The following TBXAS1 variants were observed in gnomAD, a reference collection of about 807,000 sequenced individuals.
TBXAS1 encodes thromboxane-A synthase.
Under a neutral mutation model 60.7 loss-of-function variants are expected in TBXAS1, and 48 were observed. The ratio of observed to expected loss-of-function variants is 0.79; its 90% CI spans 0.63 to 1.01. The LOEUF (loss-of-function observed/expected upper bound fraction) is 1.01. Ranked by LOEUF, TBXAS1 falls within the 50% of genes least tolerant of loss-of-function variation. TBXAS1 has a pLI of 0.00. For synonymous variants in TBXAS1, 287 were observed against 269.7 expected (o/e 1.06, Z -0.63); for missense variants, 685 against 686.3 (o/e 1.00, Z 0.02).
Position 139,778,462 on chromosome 7 carries a change from G to A in TBXAS1, c.-327G>A, listed in dbSNP as rs990656207. The A allele has an allele frequency of 6.5e-6, 1 of 153,038 alleles. No homozygotes were observed. The highest frequency in any genetic ancestry group is 1.5e-5 in the Non-Finnish European group (1 of 68,204). The allele number at this position is 153,038 out of a possible 1,614,324, so 9.5% of individuals were successfully genotyped here. ...CTCGCCCATCTCACAGCCGGTTGGC[G>A]CTCGCGGAGGTAGGAGTGGAATGAA... is the stretch of plus-strand genomic sequence containing the variant. On this transcript the variant is annotated 5_prime_UTR_variant, in exon 1 of 17. Transcript: ENST00000336425. The surrounding 1 kb of genome is among the most constrained non-coding windows in gnomAD (Gnocchi z 4.8).
chr7:139,990,489 C>T (rs1307711200), intron 9 of TBXAS1, among the ~76,000 whole-genome samples: 2 of 152,154 alleles, frequency 1.3e-5, no homozygotes, highest in Non-Finnish European at 1.5e-5. Context: ...CAGCCTCGAG[C>T]ACCTGTTTCC....
intron 1 of TBXAS1, among the ~76,000 whole-genome samples, chr7:139,832,325 A>G (rs1030793420): frequency 1.3e-5 from 2 of 152,204 alleles, no homozygotes; most frequent in African/African-American, 4.8e-5. Context: ...AATGCTCTGG[A>G]AAGTCTCAGC....
intron 1 of TBXAS1, among the ~76,000 whole-genome samples, chr7:139,839,875 T>C (rs770810298): frequency 4.0e-5 from 6 of 150,406 alleles, no homozygotes; most frequent in Admixed American, 6.6e-5. Flanking sequence ...TCCCAGCTAC[T>C]TGGGAGGCTG....
At position 139,783,985 on chromosome 7, in the gene TBXAS1, A is replaced by G. The variant is rs184915298; in HGVS notation, c.-169+1256A>G. Among the ~76,000 whole-genome samples, 245 of 145,356 alleles carry G rather than the reference A, an allele frequency of 1.7e-3. 4 individuals carry two copies. Among genetic ancestry groups the G allele is most frequent in the African/African-American group, 6.0e-3 (235 of 39,472 alleles). On this transcript the variant is annotated intron_variant, in intron 3 of 16. Transcript: ENST00000336425. Reference sequence around the variant, plus strand: ...TCACTCCCCTCCCTTCACATCCTTCACATGCATGCTTGTTTAGTTTTTTTT... The same window carrying G: ...TCACTCCCCTCCCTTCACATCCTTCGCATGCATGCTTGTTTAGTTTTTTTT...
chr7:140,005,110 C>T (rs1327209279), intron 9 of TBXAS1, among the ~76,000 whole-genome samples: 1 of 152,214 alleles, frequency 6.6e-6, no homozygotes, highest in Non-Finnish European at 1.5e-5. Flanking sequence ...CATGCATAAG[C>T]CAGGCTTCCA....
At chr7:139,893,838 A>G (rs1297257828) in intron 3 of TBXAS1, among the ~76,000 whole-genome samples, 6 of 152,250 alleles carry the variant, frequency 3.9e-5, no homozygotes, top group African/African-American at 1.4e-4. Flanking sequence ...AACTGAATAA[A>G]TTAGATGGGT....
intron 3 of TBXAS1, among the ~76,000 whole-genome samples, chr7:139,783,284 C>G (rs1797058559): frequency 6.6e-6 from 1 of 150,852 alleles, no homozygotes; most frequent in Non-Finnish European, 1.5e-5. Flanking sequence ...AATGATCAGA[C>G]ACCTGAACAG....
intron 4 of TBXAS1, among the ~76,000 whole-genome samples, chr7:139,792,027 T>C (rs1173703922): frequency 6.6e-6 from 1 of 152,196 alleles, no homozygotes; most frequent in African/African-American, 2.4e-5. Context: ...GGGTATGCTA[T>C]ATCCCATAGA....
At chr7:139,977,915 T>A (rs1330684532) in intron 9 of TBXAS1, among the ~76,000 whole-genome samples, 1 of 152,194 alleles carries the variant, frequency 6.6e-6, no homozygotes, top group East Asian at 1.9e-4. Context: ...AAATATTGGA[T>A]AAATTAAAAG....
chr7:139,991,827 G>A (rs572727403), intron 9 of TBXAS1, among the ~76,000 whole-genome samples: 2 of 152,322 alleles, frequency 1.3e-5, no homozygotes, highest in East Asian at 1.9e-4. Flanking sequence ...GTCAGGACTG[G>A]ACTGAAGCCC....
rs1554503287 is a variant in TBXAS1, at chr7:139,984,636, G to GGGAGAAAGAAAGAAAGAAAGAAAGAA, written c.1134+22403_1134+22404insGGAGAAAGAAAGAAAGAAAGAAAGAA. 1.2e-3 allele frequency among the ~76,000 whole-genome samples: 87 copies of GGGAGAAAGAAAGAAAGAAAGAAAGAA among 70,966 alleles called. 10 individuals carry two copies. In the East Asian group the frequency reaches 0.014, roughly 12 times the overall value. 46.6% of individuals were successfully genotyped at this position (70,966 alleles called of 152,430 possible). A position where few individuals can be genotyped will look rare whatever the true frequency, so the allele number is the denominator to read the frequency against. ...AGAAAGAGAGAGAGAGAGAGAGAGA[G>GGGAGAAAGAAAGAAAGAAAGAAAGAA]AGAGAGAAAGAAAGAAAGGGAAGGG... On this transcript the variant is annotated intron_variant, in intron 9 of 12. Transcript: ENST00000448866.
rs191836518 is a variant in TBXAS1 at position 139,958,391 on chromosome 7, C to T, written c.819+627C>T. On this transcript the variant is annotated intron_variant, in intron 8 of 12. Coordinates refer to ENST00000448866, the MANE Select transcript of TBXAS1 (RefSeq NM_001061.7). Reference sequence around the variant, plus strand: ...GTAAATATTTGTTGATTGAACTTGGCTAAAATAGAAAGAGGAGTTTTCAGT... The same window carrying T: ...GTAAATATTTGTTGATTGAACTTGGTTAAAATAGAAAGAGGAGTTTTCAGT... Among the ~76,000 whole-genome samples the T allele has an allele frequency of 3.4e-3, 521 of 152,208 alleles. 4 individuals are homozygous for T. The highest frequency in any genetic ancestry group is 0.012 in the African/African-American group (504 of 41,520).
At chr7:139,878,178 GGAGA>G (rs1439989282) in intron 3 of TBXAS1, among the ~76,000 whole-genome samples, 1 of 147,804 alleles carries the variant, frequency 6.8e-6, no homozygotes, top group Non-Finnish European at 1.5e-5. Flanking sequence ...AGAGAGAAAA[GGAGA>G]GAGAAAGAGA....
At chr7:139,811,377 C>T (rs1308782479) in intron 4 of TBXAS1, among the ~76,000 whole-genome samples, 18 of 152,210 alleles carry the variant, frequency 1.2e-4, no homozygotes. Flanking sequence ...AGGGGCTGTG[C>T]TTACAATTAG....
chr7:139,864,029 C>T (rs1386928327), intron 1 of TBXAS1, among the ~76,000 whole-genome samples: 1 of 152,100 alleles, frequency 6.6e-6, no homozygotes, highest in Non-Finnish European at 1.5e-5. Context: ...GAAAAGGATG[C>T]TTACTCTTTC....
At chr7:139,917,023 T>C (rs1275078708) in intron 4 of TBXAS1, among the ~76,000 whole-genome samples, 2 of 152,246 alleles carry the variant, frequency 1.3e-5, no homozygotes, top group East Asian at 1.9e-4. Context: ...TGTTCAAACA[T>C]GTGCATCAAG....
intron 2 of TBXAS1, among the ~76,000 whole-genome samples, chr7:139,872,550 A>T (rs1801901110): frequency 6.6e-6 from 1 of 152,214 alleles, no homozygotes; most frequent in East Asian, 1.9e-4. Flanking sequence ...GCTACTTGGG[A>T]GGCTGAGGCA....
intron 5 of TBXAS1, among the ~76,000 whole-genome samples, chr7:139,952,842 C>A (rs1809523190): frequency 6.6e-6 from 1 of 152,208 alleles, no homozygotes; most frequent in South Asian, 2.1e-4. Context: ...AACCATCCAT[C>A]AGGAATGCTC....
intron 4 of TBXAS1, among the ~76,000 whole-genome samples, chr7:139,795,906 T>C (rs1305043366): frequency 6.6e-6 from 1 of 152,114 alleles, no homozygotes; most frequent in Non-Finnish European, 1.5e-5. Flanking sequence ...CAAATGCAAC[T>C]GATTATCATT....
Sources: allele counts gnomAD v4.1 joint callset (sites outside exome capture counted in the v4.1 genomes callset), GRCh38; gene constraint gnomAD v4.1.1; non-coding constraint Gnocchi (gnomAD v3.1); transcripts MANE v1.5; gene names NCBI Gene and HGNC (gene_info 2026-07-23, HGNC 2026-07-21).